Variants in CPQ observed in about 807,000 individuals in gnomAD.
The protein encoded by CPQ is carboxypeptidase Q, also known as Ser-Met dipeptidase.
CPQ carries 37 observed loss-of-function variants against 45.7 expected under a neutral mutation model. The observed-to-expected ratio is 0.81, with a 90% CI of 0.62 to 1.07. The LOEUF (loss-of-function observed/expected upper bound fraction) is 1.07. Among genes scored for constraint, CPQ ranks in the 50% least tolerant of loss-of-function variants. The pLI is 0.00. For missense variants in CPQ, 537 were observed against 572.9 expected (o/e 0.94, Z 0.64); for synonymous variants, 186 against 205.8 (o/e 0.90, Z 0.82).
At chr8:97,012,696 C>T (rs978499160) in intron 5 of CPQ, among the ~76,000 whole-genome samples, 2 of 152,104 alleles carry the variant, frequency 1.3e-5, no homozygotes, top group African/African-American at 4.8e-5. Flanking sequence ...TTTTAAGAAT[C>T]TATATAAAAT....
At chr8:96,738,924 T>A in intron 1 of CPQ, among the ~76,000 whole-genome samples, 1 of 151,974 alleles carries the variant, frequency 6.6e-6, no homozygotes. Context: ...TAAACATAGG[T>A]GTGCATGTGT....
intron 5 of CPQ, among the ~76,000 whole-genome samples, chr8:96,969,025 T>G (rs1813618566): frequency 6.6e-6 from 1 of 152,232 alleles, no homozygotes; most frequent in Admixed American, 6.5e-5. Flanking sequence ...CTATGGCCAA[T>G]GATGCTCCAA....
intron 3 of CPQ, among the ~76,000 whole-genome samples, chr8:96,866,534 G>T (rs549371710): frequency 1.3e-5 from 2 of 152,028 alleles, no homozygotes; most frequent in African/African-American, 4.8e-5. Flanking sequence ...TAGCATTTTT[G>T]TATGATTTAA....
At chr8:96,697,781 A>G (rs1809405332) in intron 1 of CPQ, among the ~76,000 whole-genome samples, 1 of 152,144 alleles carries the variant, frequency 6.6e-6, no homozygotes, top group Non-Finnish European at 1.5e-5. Flanking sequence ...AAAATTAAAT[A>G]CCTAGGAATT....
At chr8:96,717,028 T>C (rs1313641988) in intron 1 of CPQ, among the ~76,000 whole-genome samples, 1 of 5,546 alleles carries the variant, frequency 1.8e-4, no homozygotes, top group African/African-American at 5.5e-4. Context: ...GATATAAATA[T>C]ATATATATAT....
chr8:96,961,431 C>G (rs566900199), intron 4 of CPQ, among the ~76,000 whole-genome samples: 4 of 151,820 alleles, frequency 2.6e-5, no homozygotes, highest in Admixed American at 1.3e-4. Flanking sequence ...AATTCTTTAC[C>G]CATTTTGAAT....
chr8:96,747,621 A>C (rs1246139498), intron 1 of CPQ, among the ~76,000 whole-genome samples: 1 of 152,204 alleles, frequency 6.6e-6, no homozygotes, highest in African/African-American at 2.4e-5. Flanking sequence ...TTAGGAGCCA[A>C]AGGTTCTAAT....
chr8:97,098,356 C>A (rs1811243408), intron 7 of CPQ, among the ~76,000 whole-genome samples: 1 of 152,126 alleles, frequency 6.6e-6, no homozygotes, highest in Non-Finnish European at 1.5e-5. Context: ...GTGGCATGTT[C>A]TTTCATCAAC....
intron 1 of CPQ, among the ~76,000 whole-genome samples, chr8:96,751,393 A>G (rs1328909629): frequency 3.3e-5 from 5 of 152,162 alleles, no homozygotes; most frequent in African/African-American, 1.2e-4. Context: ...ACCAGTGATG[A>G]AAAGCTTTTT....
At chr8:96,906,239 C>T (rs1812574817) in intron 4 of CPQ, among the ~76,000 whole-genome samples, 1 of 152,150 alleles carries the variant, frequency 6.6e-6, no homozygotes, top group African/African-American at 2.4e-5. Context: ...ATATTAACTC[C>T]TCTCAGCCTT....
At chr8:97,051,934 T>G (rs1216198231) in intron 6 of CPQ, among the ~76,000 whole-genome samples, 1 of 152,136 alleles carries the variant, frequency 6.6e-6, no homozygotes, top group African/African-American at 2.4e-5. Context: ...TGCACATCCT[T>G]TAAACACCAA....
intron 1 of CPQ, among the ~76,000 whole-genome samples, chr8:96,647,030 T>TA (rs1483758723): frequency 1.3e-5 from 2 of 152,208 alleles, no homozygotes; most frequent in African/African-American, 4.8e-5. Context: ...CAATGCCATA[T>TA]ATTCCCAGTA....
At chr8:96,788,716 C>G (rs1463453289) in intron 2 of CPQ, among the ~76,000 whole-genome samples, 1 of 151,770 alleles carries the variant, frequency 6.6e-6, no homozygotes, top group African/African-American at 2.4e-5. Context: ...AATTCTTTTT[C>G]TTCCTTTTTT....
intron 1 of CPQ, among the ~76,000 whole-genome samples, chr8:96,717,024 A>AATATATATATATATAT (rs58338307): frequency 4.1e-4 from 23 of 56,554 alleles, no homozygotes; most frequent in East Asian, 6.7e-4. Flanking sequence ...CCATGATATA[A>AATATATATATATATAT]ATATATATAT....
chr8:97,063,248 TC>T (rs1810582438), intron 6 of CPQ, among the ~76,000 whole-genome samples: 1 of 152,222 alleles, frequency 6.6e-6, no homozygotes, highest in South Asian at 2.1e-4. Flanking sequence ...GAGCTTTTTT[TC>T]ATATGCTTGT....
intron 1 of CPQ, among the ~76,000 whole-genome samples, chr8:96,716,780 G>A (rs1335219895): frequency 1.3e-5 from 2 of 151,696 alleles, no homozygotes; most frequent in Admixed American, 1.3e-4. Flanking sequence ...GTTGGCGTGG[G>A]CCTGTAATCC....
chr8:97,056,101 A>AAC (rs34266303), intron 6 of CPQ, among the ~76,000 whole-genome samples: 6,011 of 146,336 alleles, frequency 0.041, 269 homozygotes, highest in East Asian at 0.17. Flanking sequence ...CCTATCTCAA[A>AAC]ACACACACAC....
rs188978620 is a variant in CPQ at position 96,706,951 on chromosome 8, A to T, written c.-35+61549A>T. Among the ~76,000 whole-genome samples, 518 of 152,284 alleles carry T rather than the reference A, an allele frequency of 3.4e-3. 1 individual carries two copies. The highest frequency in any genetic ancestry group is 5.7e-3 in the Non-Finnish European group (389 of 68,010). On this transcript the variant is annotated intron_variant, in intron 1 of 7. Coordinates refer to ENST00000220763, the MANE Select transcript of CPQ (RefSeq NM_016134.4). ...AGGTCAGTGTAAATGCCTTTCATAA[A>T]GCCCACAGCTTGATTCAGTAAAACC...
intron 1 of CPQ, among the ~76,000 whole-genome samples, chr8:96,737,332 ACACT>A (rs1486812036): frequency 6.0e-5 from 8 of 133,544 alleles, no homozygotes; most frequent in South Asian, 2.5e-4. Context: ...ATATATACAC[ACACT>A]CACACAGAAC....
Sources: allele counts gnomAD v4.1 joint callset (sites outside exome capture counted in the v4.1 genomes callset), GRCh38; gene constraint gnomAD v4.1.1; transcripts MANE v1.5; gene names NCBI Gene and HGNC (gene_info 2026-07-23, HGNC 2026-07-21).